Variants in MYO16 observed in about 807,000 individuals in gnomAD.
The protein encoded by MYO16 is myosin XVI.
In MYO16, 94 loss-of-function variants were observed where a neutral mutation model predicts 205.3. The ratio of observed to expected loss-of-function variants is 0.46; its 90% CI spans 0.39 to 0.54. The LOEUF is 0.54. Among genes scored for constraint, MYO16 ranks in the 20% least tolerant of loss-of-function variants. MYO16 has a pLI of 0.00. For synonymous variants in MYO16, 988 were observed against 954.0 expected (o/e 1.04, Z -0.66); for missense variants, 2,315 against 2,387.5 (o/e 0.97, Z 0.63).
At chr13:108,898,894 T>C (rs1169322247) in intron 15 of MYO16, among the ~76,000 whole-genome samples, 1 of 152,160 alleles carries the variant, frequency 6.6e-6, no homozygotes, top group Non-Finnish European at 1.5e-5. Context: ...CTTGAAGTAA[T>C]CAGATATTTT....
chr13:108,707,982 G>C (rs946050209), intron 2 of MYO16, among the ~76,000 whole-genome samples: 3 of 152,098 alleles, frequency 2.0e-5, no homozygotes, highest in African/African-American at 7.2e-5. Context: ...TAAAGCAATG[G>C]TTTTGTGACC....
chr13:108,728,959 T>C (rs1566575087), intron 4 of MYO16, among the ~76,000 whole-genome samples: 1 of 149,860 alleles, frequency 6.7e-6, no homozygotes, highest in Admixed American at 6.8e-5. Flanking sequence ...TTTCTCTGAT[T>C]TGTCCTTCAA....
intron 4 of MYO16, among the ~76,000 whole-genome samples, chr13:108,733,489 A>T (rs185044280): frequency 9.2e-5 from 14 of 152,208 alleles, no homozygotes; most frequent in Non-Finnish European, 1.8e-4. Context: ...CCAGCATCAG[A>T]ACTTGGACCC....
At chr13:108,922,909 T>C (rs1445334885) in intron 16 of MYO16, among the ~76,000 whole-genome samples, 2 of 152,160 alleles carry the variant, frequency 1.3e-5, no homozygotes, top group African/African-American at 4.8e-5. Context: ...ACATATGTTA[T>C]CTCCCCCTAT....
chr13:109,175,618 T>C (rs1392472905), intron 33 of MYO16, among the ~76,000 whole-genome samples: 1 of 152,148 alleles, frequency 6.6e-6, no homozygotes, highest in Admixed American at 6.5e-5. Context: ...ACTATTGCCC[T>C]GGAAAGAATG....
intron 27 of MYO16, among the ~76,000 whole-genome samples, chr13:109,060,339 A>G (rs993569085): frequency 6.6e-6 from 1 of 152,148 alleles, no homozygotes; most frequent in East Asian, 1.9e-4. Context: ...TTGCAGGGAC[A>G]TGGATGAAGC....
the MYO16 span, among the ~76,000 whole-genome samples, chr13:108,575,324 G>T: frequency 6.6e-6 from 1 of 152,128 alleles, no homozygotes; most frequent in Non-Finnish European, 1.5e-5. Flanking sequence ...ACCTGTATGG[G>T]TCCTAGGACG....
the MYO16 span, among the ~76,000 whole-genome samples, chr13:108,582,965 TA>T: frequency 4.6e-5 from 7 of 152,192 alleles, no homozygotes; most frequent in Admixed American, 1.3e-4. Context: ...ATTGTAATAT[TA>T]TTATAATATT....
intron 16 of MYO16, among the ~76,000 whole-genome samples, chr13:108,935,423 A>G (rs2139301069): frequency 6.6e-6 from 1 of 152,268 alleles, no homozygotes; most frequent in East Asian, 1.9e-4. Context: ...CTTGAACATT[A>G]TTGGTGTATA....
At chr13:108,789,065 T>C (rs1474066881) in intron 5 of MYO16, among the ~76,000 whole-genome samples, 1 of 152,234 alleles carries the variant, frequency 6.6e-6, no homozygotes, top group East Asian at 1.9e-4. Context: ...AGCTTAATTA[T>C]CTTTCCAGAC....
intron 1 of MYO16, among the ~76,000 whole-genome samples, chr13:108,615,945 T>C (rs560612865): frequency 6.6e-6 from 1 of 152,208 alleles, no homozygotes; most frequent in Non-Finnish European, 1.5e-5. Flanking sequence ...CCCACCTTCC[T>C]TTCTCTGCAC....
rs553989175 is a variant in MYO16, at chr13:108,634,750, G to T, written c.28+4878G>T. Reference sequence around the variant, plus strand: ...ACGTCTTCTTCTGCAGCTCTTGGGGGTTTTCTCCTAATTCACTAGCAGCTT... The same window carrying T: ...ACGTCTTCTTCTGCAGCTCTTGGGGTTTTTCTCCTAATTCACTAGCAGCTT... On this transcript the variant is annotated intron_variant, in intron 1 of 34. Coordinates refer to ENST00000457511, the MANE Select transcript of MYO16 (RefSeq NM_001198950.3). 5.3e-5 allele frequency among the ~76,000 whole-genome samples: 8 copies of T among 152,296 alleles called. No individual in the cohort carries two copies. The South Asian group carries it at 1.5e-3, about 28-fold the overall frequency.
At chr13:108,721,719 A>T (rs1884171174) in intron 3 of MYO16, among the ~76,000 whole-genome samples, 1 of 152,214 alleles carries the variant, frequency 6.6e-6, no homozygotes, top group Admixed American at 6.5e-5. Flanking sequence ...TAAGCTCAGA[A>T]GATATCCAAG....
At chr13:108,768,914 C>A (rs1293240435) in intron 4 of MYO16, among the ~76,000 whole-genome samples, 3 of 151,738 alleles carry the variant, frequency 2.0e-5, no homozygotes, top group Admixed American at 6.6e-5. Flanking sequence ...AATCAAATGG[C>A]CATGAACATG....
At chr13:108,739,474 T>C (rs1362944921) in intron 4 of MYO16, among the ~76,000 whole-genome samples, 1 of 152,250 alleles carries the variant, frequency 6.6e-6, no homozygotes, top group East Asian at 1.9e-4. Flanking sequence ...CCCCACTCTC[T>C]TCTGACTTGT....
intron 1 of MYO16, among the ~76,000 whole-genome samples, chr13:108,623,460 C>T (rs1879615110): frequency 6.6e-6 from 1 of 152,034 alleles, no homozygotes; most frequent in Non-Finnish European, 1.5e-5. Flanking sequence ...AAACTTGCAG[C>T]CAGATCTCCC....
intron 28 of MYO16, among the ~76,000 whole-genome samples, chr13:109,115,021 A>G (rs1213304033): frequency 6.6e-6 from 1 of 152,216 alleles, no homozygotes; most frequent in Non-Finnish European, 1.5e-5. Context: ...AATGTGCATC[A>G]TAGAAAAATA....
chr13:108,694,170 T>C (rs1370130155), intron 2 of MYO16, among the ~76,000 whole-genome samples: 1 of 152,156 alleles, frequency 6.6e-6, no homozygotes, highest in African/African-American at 2.4e-5. Context: ...GCAATGAAAA[T>C]GTTCCTTTTT....
intron 2 of MYO16, among the ~76,000 whole-genome samples, chr13:108,706,760 C>A (rs1309243036): frequency 6.6e-6 from 1 of 152,218 alleles, no homozygotes; most frequent in Non-Finnish European, 1.5e-5. Context: ...AGACCTTGGA[C>A]TTGGCTTACA....
Sources: gnomAD v4.1 joint callset for allele counts (sites outside exome capture counted in the v4.1 genomes callset) on GRCh38, gnomAD v4.1.1 for gene constraint, MANE v1.5 for transcripts, NCBI Gene and HGNC (gene_info 2026-07-23, HGNC 2026-07-21) for gene names.